JAKMIP1: variants seen among roughly 807,000 people sequenced by gnomAD.
The protein encoded by JAKMIP1 is janus kinase and microtubule-interacting protein 1.
Under a neutral mutation model 113.0 loss-of-function variants are expected in JAKMIP1, and 33 were observed. The observed-to-expected ratio is 0.29, with a 90% CI of 0.22 to 0.39. The LOEUF is 0.39. Ranked by LOEUF, JAKMIP1 falls within the 10% of genes least tolerant of loss-of-function variation. The pLI, the probability that JAKMIP1 is intolerant of heterozygous loss-of-function variation, is 1.00. For missense variants in JAKMIP1, 813 were observed against 1,080.5 expected, an observed-to-expected ratio of 0.75 and a Z score of 3.47; for synonymous variants, 480 against 459.9, an observed-to-expected ratio of 1.04 and a Z score of -0.56.
In JAKMIP1 at chr4:6,076,048, T is replaced by C. The variant is rs570089470; in HGVS notation, c.1302+2891A>G. ...AAAATTAGCCAGGCGTGGTGGCACA[T>C]GCCTGTAATCTCGGCTACTTGGGAG... is the stretch of plus-strand genomic sequence containing the variant. On this transcript the variant is annotated intron_variant, in intron 8 of 20. Coordinates refer to ENST00000409021, the MANE Select transcript of JAKMIP1 (RefSeq NM_001099433.2). This position sits in a 1 kb window ranked among gnomAD's most constrained non-coding sequence, Gnocchi z 4.8. Among the ~76,000 whole-genome samples, 2 of 152,276 alleles carry C rather than the reference T, an allele frequency of 1.3e-5. No homozygotes were observed.
chr4:6,030,005 C>T (rs758798415), intron 19 of JAKMIP1, among the ~76,000 whole-genome samples: 3 of 152,128 alleles, frequency 2.0e-5, no homozygotes, highest in Non-Finnish European at 4.4e-5. Context: ...TCAATTCCAG[C>T]TCTGCAAAGG....
rs1369750662 is a variant in JAKMIP1, at chr4:6,044,080, G to A, written c.2029-1853C>T. On this transcript the variant is annotated intron_variant, in intron 16 of 20. Transcript: ENST00000409021. This position sits in a 1 kb window ranked among gnomAD's most constrained non-coding sequence, Gnocchi z 4.4. ...TCAGTCTTCAGGCCCTGAGCTAGCTGTCACCTCCTCCAGGAAGCCTACCCT... is the reference window on the plus strand; with the variant it reads ...TCAGTCTTCAGGCCCTGAGCTAGCTATCACCTCCTCCAGGAAGCCTACCCT... Among the ~76,000 whole-genome samples, 1 of 151,966 alleles carries A rather than the reference G, an allele frequency of 6.6e-6. No homozygotes were observed. Among genetic ancestry groups the A allele is most frequent in the Non-Finnish European group, 1.5e-5 (1 of 67,998 alleles).
Position 6,188,975 on chromosome 4 carries a change from G to A in JAKMIP1, c.-148+11278C>T, listed in dbSNP as rs1293166316. Reference sequence around the variant, plus strand: ...TGCAAAAAGAACCTCGTCAAGCCCTGAGCCTGGAAGGCTCCAAGACTTGCT... The same window carrying A: ...TGCAAAAAGAACCTCGTCAAGCCCTAAGCCTGGAAGGCTCCAAGACTTGCT... On this transcript the variant is annotated intron_variant, in intron 1 of 20. Coordinates refer to ENST00000409021, the MANE Select transcript of JAKMIP1 (RefSeq NM_001099433.2). This position sits in a 1 kb window ranked among gnomAD's most constrained non-coding sequence, Gnocchi z 5.8. Among the ~76,000 whole-genome samples the A allele has an allele frequency of 6.6e-6, 1 of 152,224 alleles. No homozygotes were observed. Among genetic ancestry groups the A allele is most frequent in the Non-Finnish European group, 1.5e-5 (1 of 68,048 alleles).
intron 1 of JAKMIP1, among the ~76,000 whole-genome samples, chr4:6,195,051 AG>A (rs1727701845): frequency 6.6e-6 from 1 of 152,158 alleles, no homozygotes; most frequent in Admixed American, 6.5e-5. Context: ...CTCACAACCG[AG>A]GGATGTGCAG....
intron 5 of JAKMIP1, among the ~76,000 whole-genome samples, chr4:6,083,277 C>T (rs1275479718): frequency 1.3e-5 from 2 of 151,866 alleles, no homozygotes; most frequent in African/African-American, 4.8e-5. Context: ...TTGGCGGGTG[C>T]CTGTAATCCT....
At chr4:6,151,597 C>T (rs184311611) in intron 1 of JAKMIP1, among the ~76,000 whole-genome samples, 2 of 152,308 alleles carry the variant, frequency 1.3e-5, no homozygotes, top group Non-Finnish European at 2.9e-5. Flanking sequence ...GTTGCACTCA[C>T]AGCACTGTGA....
Position 6,142,113 on chromosome 4 carries a change from C to T in JAKMIP1, c.-147-29116G>A, listed in dbSNP as rs1720244898. On this transcript the variant is annotated intron_variant, in intron 1 of 20. Transcript: ENST00000409021. The surrounding 1 kb of genome is among the most constrained non-coding windows in gnomAD (Gnocchi z 5.5). ...GTCATTTTCTAGCTTGTCTTTTCCT[C>T]TTCATATCATGAAATAAGAATTTTC... 6.7e-6 allele frequency among the ~76,000 whole-genome samples: 1 copy of T among 149,148 alleles called. No individual in the cohort carries two copies. The highest frequency in any genetic ancestry group is 6.8e-5 in the Admixed American group (1 of 14,812).
chr4:6,085,900 GTC>G (rs1721224636), intron 3 of JAKMIP1, among the ~76,000 whole-genome samples: 1 of 152,192 alleles, frequency 6.6e-6, no homozygotes, highest in African/African-American at 2.4e-5. Flanking sequence ...GTATGCTCCT[GTC>G]TCTCTCACTT....
rs1177018346 is a variant in JAKMIP1, at chr4:6,080,991, A to ACACACAC, written c.1101+611_1101+617dup. ...ACTTCACACAACAGCAATTACACAC[A>ACACACAC]CACACACACACACACACACACACCT... On this transcript the variant is annotated intron_variant, in intron 6 of 20. Coordinates refer to ENST00000409021, the MANE Select transcript of JAKMIP1 (RefSeq NM_001099433.2). The surrounding 1 kb of genome is among the most constrained non-coding windows in gnomAD (Gnocchi z 6.0). Among the ~76,000 whole-genome samples the ACACACAC allele has an allele frequency of 6.6e-6, 1 of 151,374 alleles. No homozygotes were observed. The highest frequency in any genetic ancestry group is 1.5e-5 in the Non-Finnish European group (1 of 67,844).
At position 6,193,805 on chromosome 4, in the gene JAKMIP1, G is replaced by A. The variant is rs759895968; in HGVS notation, c.-148+6448C>T. The stretch of plus-strand genomic sequence containing the variant: ...GGAGGAGAGGGTGGAAGAGCCTGCA[G>A]AATAGGACCTGAGCAGCCAAAGCCC... On this transcript the variant is annotated intron_variant, in intron 1 of 20. Transcript: ENST00000409021. The surrounding 1 kb of genome is among the most constrained non-coding windows in gnomAD (Gnocchi z 6.4). Among the ~76,000 whole-genome samples the A allele has an allele frequency of 2.0e-5, 3 of 152,188 alleles. No individual in the cohort carries two copies. The highest frequency in any genetic ancestry group is 4.4e-5 in the Non-Finnish European group (3 of 68,032).
intron 1 of JAKMIP1, among the ~76,000 whole-genome samples, chr4:6,161,950 C>T (rs1723021594): frequency 6.6e-6 from 1 of 152,194 alleles, no homozygotes; most frequent in Admixed American, 6.5e-5. Flanking sequence ...ATGTACTGAA[C>T]ATGGGTTCAA....
In JAKMIP1 at chr4:6,093,142, A is replaced by G. The variant is rs1321212238; in HGVS notation, c.625-7513T>C. 2.0e-5 allele frequency among the ~76,000 whole-genome samples: 3 copies of G among 152,068 alleles called. No individual in the cohort carries two copies. The highest frequency in any genetic ancestry group is 7.2e-5 in the African/African-American group (3 of 41,406). ...TAACAAACTCCTATGCATCCTTCAA[A>G]ACCCAGCTCACACCTCACTTCCTCT... On this transcript the variant is annotated intron_variant, in intron 3 of 20. Coordinates refer to ENST00000409021, the MANE Select transcript of JAKMIP1 (RefSeq NM_001099433.2). This position sits in a 1 kb window ranked among gnomAD's most constrained non-coding sequence, Gnocchi z 4.6.
intron 8 of JAKMIP1, among the ~76,000 whole-genome samples, chr4:6,078,629 T>G (rs1262783155): frequency 6.6e-6 from 1 of 152,198 alleles, no homozygotes; most frequent in African/African-American, 2.4e-5. Context: ...CAACCCTGAA[T>G]GTCCCTTAAA....
rs901402897 is a variant in JAKMIP1 at position 6,050,403 on chromosome 4, G to C, written c.1908+175C>G. On this transcript the variant is annotated intron_variant, in intron 14 of 20. Coordinates refer to ENST00000409021, the MANE Select transcript of JAKMIP1 (RefSeq NM_001099433.2). The surrounding 1 kb of genome is among the most constrained non-coding windows in gnomAD (Gnocchi z 7.4). ...AGCCTCTGCTGTTTTAAACATATGG[G>C]TCAAAATAGAGTCACATTTGGTGAC... Among the ~76,000 whole-genome samples the C allele has an allele frequency of 2.6e-5, 4 of 152,234 alleles. No individual in the cohort carries two copies. Among genetic ancestry groups the C allele is most frequent in the Non-Finnish European group, 5.9e-5 (4 of 68,040 alleles).
chr4:6,077,482 CTTTTTTT>C (rs34339999), intron 8 of JAKMIP1, among the ~76,000 whole-genome samples: 2 of 81,546 alleles, frequency 2.5e-5, no homozygotes, highest in African/African-American at 5.0e-5. Flanking sequence ...ATTTCCTTTC[CTTTTTTT>C]TTTTTTTTTT....
chr4:6,158,456 C>T lies in JAKMIP1; in HGVS notation c.-148+41797G>A, dbSNP rs1159418098. ...TCACCTGGCCACCCACAGCACAGGC[C>T]TGGCTGGATGAGATGGAGAGCAAAT... On this transcript the variant is annotated intron_variant, in intron 1 of 20. Coordinates refer to ENST00000409021, the MANE Select transcript of JAKMIP1 (RefSeq NM_001099433.2). The surrounding 1 kb of genome is among the most constrained non-coding windows in gnomAD (Gnocchi z 5.3). Among the ~76,000 whole-genome samples, 1 of 152,176 alleles carries T rather than the reference C, an allele frequency of 6.6e-6. No individual in the cohort carries two copies. Among genetic ancestry groups the T allele is most frequent in the African/African-American group, 2.4e-5 (1 of 41,446 alleles).
intron 1 of JAKMIP1, among the ~76,000 whole-genome samples, chr4:6,171,864 A>G (rs186794906): frequency 6.6e-6 from 1 of 152,374 alleles, no homozygotes; most frequent in Admixed American, 6.5e-5. Context: ...TTATGCCTCC[A>G]TTAAGTGGGG....
chr4:6,114,046 A>AT (rs1436677688), intron 1 of JAKMIP1, among the ~76,000 whole-genome samples: 3 of 152,180 alleles, frequency 2.0e-5, no homozygotes, highest in Admixed American at 6.5e-5. Flanking sequence ...GTGAGAGAGG[A>AT]TTTTACTAGG....
Position 6,095,201 on chromosome 4 carries a change from A to T in JAKMIP1, c.625-9572T>A, listed in dbSNP as rs192265158. Among the ~76,000 whole-genome samples the T allele has an allele frequency of 6.2e-5, 9 of 144,348 alleles. No homozygotes were observed. In the East Asian group the frequency reaches 2.0e-3, roughly 32 times the overall value. 94.7% of individuals were successfully genotyped at this position (144,348 alleles called of 152,430 possible). ...GAAAGGAAGAAGAAAGGAAGGGAGG[A>T]GGGAAATAGAAGAAAGAAGGAAAGA... On this transcript the variant is annotated intron_variant, in intron 3 of 20. Transcript: ENST00000409021.
Sources: allele counts gnomAD v4.1 joint callset (sites outside exome capture counted in the v4.1 genomes callset), GRCh38; gene constraint gnomAD v4.1.1; non-coding constraint Gnocchi (gnomAD v3.1); transcripts MANE v1.5; gene names NCBI Gene and HGNC (gene_info 2026-07-23, HGNC 2026-07-21).